The following MCC variants were observed in gnomAD, a reference collection of about 807,000 sequenced individuals.
MCC encodes the protein MCC regulator of Wnt signaling pathway.
MCC carries 90 observed loss-of-function variants against 116.2 expected under a neutral mutation model. That is an observed-to-expected ratio of 0.77 (90% CI 0.65 to 0.92). The LOEUF (loss-of-function observed/expected upper bound fraction) is 0.92, where lower values mean the gene tolerates loss of function less well. Ranked by LOEUF, MCC falls within the 40% of genes least tolerant of loss-of-function variation. MCC has a pLI of 0.00. For synonymous variants in MCC, 578 were observed against 510.5 expected (o/e 1.13, Z -1.78); for missense variants, 1,516 against 1,312.2 (o/e 1.16, Z -2.40).
chr5:113,168,453 T>A (rs527533531), intron 3 of MCC, among the ~76,000 whole-genome samples: 19 of 152,240 alleles, frequency 1.2e-4, no homozygotes, highest in Non-Finnish European at 2.2e-4. Flanking sequence ...GATTTTCACA[T>A]ACTTTTTATT....
At chr5:113,359,804 T>C (rs1230900025) in intron 2 of MCC, among the ~76,000 whole-genome samples, 1 of 103,786 alleles carries the variant, frequency 9.6e-6, no homozygotes, top group Non-Finnish European at 1.9e-5. Flanking sequence ...TCATAGAAGA[T>C]AAATAGAATG....
chr5:113,280,984 T>C (rs1385625699), intron 3 of MCC, among the ~76,000 whole-genome samples: 3 of 152,224 alleles, frequency 2.0e-5, no homozygotes, highest in Non-Finnish European at 4.4e-5. Flanking sequence ...ATTGCCCTCA[T>C]GGTATATGCT....
At chr5:113,131,606 A>G (rs530105193) in intron 5 of MCC, among the ~76,000 whole-genome samples, 22 of 152,266 alleles carry the variant, frequency 1.4e-4, no homozygotes, top group Middle Eastern at 3.4e-3. Flanking sequence ...AGGGCTGCAG[A>G]AAAGAGAGGT....
intron 3 of MCC, among the ~76,000 whole-genome samples, chr5:113,277,293 A>C (rs10056847): frequency 6.6e-6 from 1 of 151,218 alleles, no homozygotes; most frequent in Admixed American, 6.6e-5. Flanking sequence ...GCTTGAACCC[A>C]GGAGGCAGAG....
rs557207422 is a variant in MCC, at chr5:113,484,057, GA to G, written c.170+4187del. On this transcript the variant is annotated intron_variant, in intron 1 of 18. Transcript: ENST00000408903. ...GGGGCCTATCAGAGGGTGGAAGTTG[GA>G]AGGAGGGGGAGGATCAGGAAAAATA... is the stretch of plus-strand genomic sequence containing the variant. Among the ~76,000 whole-genome samples, 357 of 152,264 alleles carry G rather than the reference GA, an allele frequency of 2.3e-3. 1 individual carries two copies. The highest frequency in any genetic ancestry group is 3.9e-3 in the Non-Finnish European group (266 of 68,022).
In MCC at chr5:113,434,418, T is replaced by C. The variant is rs573427120; in HGVS notation, c.171-49206A>G. ...GTTGAAGTCCTTGTCAAGGAGAAGG[T>C]TGTCACACTTGAGGTCCCGGTGGAC... On this transcript the variant is annotated intron_variant, in intron 1 of 18. Transcript: ENST00000408903. The surrounding 1 kb of genome is among the most constrained non-coding windows in gnomAD (Gnocchi z 4.2). 12 of 1,613,830 alleles carry C rather than the reference T, an allele frequency of 7.4e-6. No homozygotes were observed. In the East Asian group the frequency reaches 1.1e-4, roughly 15 times the overall value.
At chr5:113,447,806 T>C (rs1171888579) in intron 1 of MCC, among the ~76,000 whole-genome samples, 2 of 152,088 alleles carry the variant, frequency 1.3e-5, no homozygotes, top group Non-Finnish European at 2.9e-5. Context: ...TCTGCATTGA[T>C]GCCAAAAGTC....
chr5:113,365,360 A>G (rs1427924542), intron 2 of MCC, among the ~76,000 whole-genome samples: 1 of 152,228 alleles, frequency 6.6e-6, no homozygotes, highest in African/African-American at 2.4e-5. Context: ...AAACCGTAGC[A>G]CAAGTGACCT....
At chr5:113,331,686 A>G (rs1262877329) in intron 3 of MCC, among the ~76,000 whole-genome samples, 1 of 151,222 alleles carries the variant, frequency 6.6e-6, no homozygotes, top group Non-Finnish European at 1.5e-5. Context: ...CCCAGGCTGG[A>G]GTACAGTGGT....
At chr5:113,438,167 T>G (rs992375644) in intron 1 of MCC, among the ~76,000 whole-genome samples, 1 of 152,230 alleles carries the variant, frequency 6.6e-6, no homozygotes, top group African/African-American at 2.4e-5. Context: ...TGACCTGTGT[T>G]TCTTTCCCCT....
chr5:113,419,827 C>T (rs1770272998), intron 1 of MCC, among the ~76,000 whole-genome samples: 1 of 137,048 alleles, frequency 7.3e-6, no homozygotes, highest in Non-Finnish European at 1.5e-5. Context: ...ACAATGAGAA[C>T]ACATGGACAC....
Position 113,084,141 on chromosome 5 carries a change from G to C in MCC, c.1595C>G (p.Ser532Cys), listed in dbSNP as rs751529773. The change falls in exon 10 of 19, where the codon TCT becomes TGT. Residue 532 changes from serine to cysteine, a missense_variant. Physicochemically the swap from Ser to Cys is moderately radical, Grantham distance 112. Coordinates refer to ENST00000408903, the MANE Select transcript of MCC (RefSeq NM_001085377.2). Reference protein sequence around the residue: ...LSKTRSESSSSDRPVLGSEIS... With the variant: ...LSKTRSESSSCDRPVLGSEIS... ...TTCTGAGCCCAGGACTGGCCGATCA[G>C]ATGATGACGATTCGGACCTTGTCTT... The C allele has an allele frequency of 6.2e-6, 10 of 1,614,208 alleles. No individual in the cohort carries two copies. In the East Asian group the frequency reaches 2.0e-4, roughly 32 times the overall value.
intron 4 of MCC, among the ~76,000 whole-genome samples, chr5:113,150,393 T>C (rs1381241686): frequency 6.6e-6 from 1 of 151,940 alleles, no homozygotes; most frequent in Non-Finnish European, 1.5e-5. Context: ...TTATAAACCA[T>C]AAAAGCATGC....
intron 6 of MCC, among the ~76,000 whole-genome samples, chr5:113,110,750 C>T (rs1052728942): frequency 6.6e-6 from 1 of 152,186 alleles, no homozygotes; most frequent in Non-Finnish European, 1.5e-5. Flanking sequence ...CCACCTGCAG[C>T]CAAAGATGTG....
At chr5:113,328,720 C>A (rs940061075) in intron 3 of MCC, among the ~76,000 whole-genome samples, 8 of 152,182 alleles carry the variant, frequency 5.3e-5, no homozygotes, top group African/African-American at 2.4e-5. Flanking sequence ...TTTAATTACT[C>A]TCCAGTGACA....
intron 1 of MCC, among the ~76,000 whole-genome samples, chr5:113,464,049 T>TA (rs1050704527): frequency 2.0e-5 from 3 of 152,060 alleles, no homozygotes; most frequent in African/African-American, 7.2e-5. Context: ...TGAAAGGTGA[T>TA]ACAGGCAAGG....
intron 1 of MCC, among the ~76,000 whole-genome samples, chr5:113,483,060 C>T (rs76219355): frequency 2.0e-5 from 3 of 152,054 alleles, no homozygotes; most frequent in East Asian, 3.9e-4. Context: ...TTGGTGCTTT[C>T]GTTGAAAATC....
At chr5:113,151,254 T>A (rs1759847502) in intron 4 of MCC, 55 bp downstream of exon 4, 2 of 1,058,232 alleles carry the variant, frequency 1.9e-6, no homozygotes, top group Admixed American at 2.2e-5. Flanking sequence ...ATCTTAAGAT[T>A]AAATATTTAA....
intron 2 of MCC, among the ~76,000 whole-genome samples, chr5:113,361,359 T>C (rs1768543776): frequency 6.6e-6 from 1 of 152,200 alleles, no homozygotes; most frequent in Admixed American, 6.5e-5. Context: ...CTGTTTTGTT[T>C]TGCTGTTCTC....
Sources: gnomAD v4.1 joint callset for allele counts (sites outside exome capture counted in the v4.1 genomes callset) on GRCh38, gnomAD v4.1.1 for gene constraint, Gnocchi (gnomAD v3.1) non-coding constraint, MANE v1.5 for transcripts, NCBI Gene and HGNC (gene_info 2026-07-23, HGNC 2026-07-21) for gene names.